The following TAF12 variants were observed in gnomAD, a reference collection of about 807,000 sequenced individuals.
TAF12 encodes transcription initiation factor TFIID subunit 12.
Under a neutral mutation model 20.8 loss-of-function variants are expected in TAF12, and 3 were observed. The observed-to-expected ratio is 0.14, with a 90% CI of 0.07 to 0.37. The LOEUF is 0.37. Among genes scored for constraint, TAF12 ranks in the 10% least tolerant of loss-of-function variants. The pLI is 1.00. For missense variants in TAF12, 131 were observed against 197.9 expected (o/e 0.66, Z 2.03); for synonymous variants, 69 against 70.2 (o/e 0.98, Z 0.09).
intron 1 of TAF12, among the ~76,000 whole-genome samples, chr1:28,624,313 T>C (rs998602360): frequency 6.6e-6 from 1 of 152,092 alleles, no homozygotes; most frequent in East Asian, 1.9e-4. Flanking sequence ...TTGGGCAAAA[T>C]TGTGGGATAT....
chr1:28,648,142 A>C, intron 1 of TAF12: 2 of 985,170 alleles, frequency 2.0e-6, no homozygotes, highest in Non-Finnish European at 2.4e-6. Context: ...TAGGGGTGGC[A>C]CAAGTTACAC....
At chr1:28,613,096 C>T in intron 4 of TAF12, 151 bp downstream of exon 4, 1 of 573,010 alleles carries the variant, frequency 1.7e-6, no homozygotes, top group South Asian at 3.1e-5. Context: ...ATGGATTTCT[C>T]TTTTCTATTT....
chr1:28,605,316 A>G, intron 5 of TAF12, 56 bp downstream of exon 5: 1 of 1,577,968 alleles, frequency 6.3e-7, no homozygotes, highest in Non-Finnish European at 8.7e-7. Context: ...ATCCACTCTG[A>G]GACGTAACTC....
At chr1:28,616,375 A>G (rs148848702) in intron 3 of TAF12, among the ~76,000 whole-genome samples, 1,714 of 150,528 alleles carry the variant, frequency 0.011, 31 homozygotes, top group African/African-American at 0.04. Context: ...CAGCCTGGGC[A>G]GCTGAGCAAG....
intron 1 of TAF12, among the ~76,000 whole-genome samples, chr1:28,638,241 G>A (rs1019711848): frequency 1.3e-5 from 2 of 151,684 alleles, no homozygotes; most frequent in African/African-American, 4.9e-5. Context: ...CCAGGCTGGA[G>A]TGCAAAGGGG....
At chr1:28,627,468 CG>C (rs1667447238) in intron 1 of TAF12, among the ~76,000 whole-genome samples, 1 of 149,866 alleles carries the variant, frequency 6.7e-6, no homozygotes, top group Admixed American at 6.7e-5. Context: ...CTGAGGCGGG[CG>C]GATCACAAGG....
chr1:28,624,606 G>C (rs1404032157), intron 1 of TAF12, among the ~76,000 whole-genome samples: 1 of 152,040 alleles, frequency 6.6e-6, no homozygotes, highest in African/African-American at 2.4e-5. Context: ...AACTAGCCAG[G>C]CATGGTGGCA....
intron 1 of TAF12, 139 bp from the exon 2 acceptor site, chr1:28,622,304 G>T: frequency 1.5e-6 from 1 of 662,690 alleles, no homozygotes; most frequent in Non-Finnish European, 2.0e-6. Context: ...AGCATCACTT[G>T]AGCCCAGTAG....
At chr1:28,648,259 T>G in exon 1 of TAF12, 1 of 985,136 alleles carries the variant, frequency 1.0e-6, no homozygotes, top group South Asian at 4.7e-5. Context: ...CGTGAGCAGT[T>G]GACAAGAAAG....
At chr1:28,615,638 C>T (rs1026099795) in intron 3 of TAF12, among the ~76,000 whole-genome samples, 16 of 133,166 alleles carry the variant, frequency 1.2e-4, no homozygotes, top group Admixed American at 1.7e-4. Flanking sequence ...AAGATCATGC[C>T]GCTGCACTCC....
In TAF12 at chr1:28,633,447, CA is replaced by C. The variant is rs1448400254; in HGVS notation, c.-85+9544del. Among the ~76,000 whole-genome samples the C allele has an allele frequency of 3.3e-4, 49 of 149,216 alleles. No homozygotes were observed. The East Asian group carries it at 0.01, about 30-fold the overall frequency. Reference sequence around the variant, plus strand: ...CCTCCCAAAGTGCTGGGATTACAGGCATGAGACACTGTATCCAACCGAAAAT... The same window carrying C: ...CCTCCCAAAGTGCTGGGATTACAGGCTGAGACACTGTATCCAACCGAAAAT... On this transcript the variant is annotated intron_variant, in intron 1 of 5. Transcript: ENST00000373824.
At chr1:28,643,352 C>G (rs1261671440), upstream of TAF12, 1 of 155,320 alleles carries the variant, frequency 6.4e-6, no homozygotes, top group Non-Finnish European at 1.4e-5. Context: ...GGTAGCATGA[C>G]GGGTAATTGA....
rs773588480 is a variant in TAF12, at chr1:28,613,254, C to A, written c.354G>T (p.Leu118=). ...SSTLEVKDVQ[L]HLERQWNMWI... ...AGAAACAAGACCACATACCTAAATGCAGCTGGACATCTTTCACCTCCAGGG... is the reference window on the plus strand; with the variant it reads ...AGAAACAAGACCACATACCTAAATGAAGCTGGACATCTTTCACCTCCAGGG... The change falls in exon 4 of 6, where the codon CTG becomes CTT. Residue 118 remains leucine, a synonymous_variant. Coordinates refer to ENST00000373824, the MANE Select transcript of TAF12 (RefSeq NM_005644.4). 3.2e-5 allele frequency: 52 copies of A among 1,608,460 alleles called. No homozygotes were observed. Among genetic ancestry groups the A allele is most frequent in the Non-Finnish European group, 4.4e-5 (52 of 1,177,628 alleles).
At chr1:28,630,900 G>A (rs1667594512) in intron 1 of TAF12, among the ~76,000 whole-genome samples, 1 of 151,718 alleles carries the variant, frequency 6.6e-6, no homozygotes, top group African/African-American at 2.4e-5. Flanking sequence ...AAAAAAATTA[G>A]CAGGGCATAG....
intron 4 of TAF12, among the ~76,000 whole-genome samples, chr1:28,609,030 T>C (rs193048479): frequency 2.5e-4 from 38 of 152,320 alleles, no homozygotes; most frequent in Non-Finnish European, 4.6e-4. Flanking sequence ...TAACTACGTA[T>C]ACCTATATGC....
upstream of TAF12, among the ~76,000 whole-genome samples, chr1:28,647,201 C>G (rs1480440733): frequency 1.3e-5 from 2 of 152,166 alleles, no homozygotes; most frequent in Admixed American, 1.3e-4. Context: ...AAGATAAACA[C>G]TAAACTGTTC....
At chr1:28,621,697 A>C (rs1667226596) in intron 2 of TAF12, among the ~76,000 whole-genome samples, 1 of 152,186 alleles carries the variant, frequency 6.6e-6, no homozygotes, top group African/African-American at 2.4e-5. Context: ...GACAACTTGA[A>C]TCTGTGTCTC....
upstream of TAF12, among the ~76,000 whole-genome samples, chr1:28,644,203 G>A (rs1202637777): frequency 1.3e-5 from 2 of 152,176 alleles, no homozygotes; most frequent in East Asian, 3.9e-4. Flanking sequence ...GCTGTGACAG[G>A]CCAGAGTGAG....
intron 3 of TAF12, among the ~76,000 whole-genome samples, chr1:28,614,112 C>A (rs1666953152): frequency 6.6e-6 from 1 of 151,942 alleles, no homozygotes; most frequent in African/African-American, 2.4e-5. Flanking sequence ...GTGGCACGTG[C>A]CTGTAGTCCC....
Sources: gnomAD v4.1 joint callset for allele counts (sites outside exome capture counted in the v4.1 genomes callset) on GRCh38, gnomAD v4.1.1 for gene constraint, MANE v1.5 for transcripts, NCBI Gene and HGNC (gene_info 2026-07-23, HGNC 2026-07-21) for gene names.